The following TASP1 variants were observed in gnomAD, a reference collection of about 807,000 sequenced individuals.
The protein encoded by TASP1 is taspase 1.
TASP1 carries 16 observed loss-of-function variants against 56.6 expected under a neutral mutation model. That is an observed-to-expected ratio of 0.28 (90% CI 0.19 to 0.43). TASP1 has a LOEUF of 0.43. Among genes scored for constraint, TASP1 ranks in the 20% least tolerant of loss-of-function variants. The probability of loss-of-function intolerance (pLI) is 1.00; values close to 1 mark genes in which losing one functional copy is unlikely to be tolerated. For missense variants in TASP1, 393 were observed against 511.6 expected (o/e 0.77, Z 2.24); for synonymous variants, 179 against 184.2 (o/e 0.97, Z 0.23).
At chr20:13,225,888 A>G in the TASP1 span, among the ~76,000 whole-genome samples, 1 of 152,320 alleles carries the variant, frequency 6.6e-6, no homozygotes, top group East Asian at 1.9e-4. Flanking sequence ...ATGGATATAG[A>G]TATAGATATA....
At chr20:13,521,252 G>T (rs1229842771) in intron 10 of TASP1, among the ~76,000 whole-genome samples, 1 of 152,164 alleles carries the variant, frequency 6.6e-6, no homozygotes, top group African/African-American at 2.4e-5. Context: ...AATACCATTT[G>T]ACCCAGCAAT....
intron 7 of TASP1, among the ~76,000 whole-genome samples, chr20:13,567,813 A>G (rs1207878812): frequency 1.3e-5 from 2 of 152,184 alleles, no homozygotes; most frequent in African/African-American, 4.8e-5. Flanking sequence ...GAAACAGAGA[A>G]CCTGATACTG....
chr20:13,189,242 T>C, the TASP1 span, among the ~76,000 whole-genome samples: 1 of 152,198 alleles, frequency 6.6e-6, no homozygotes, highest in African/African-American at 2.4e-5. Flanking sequence ...AACATTGATC[T>C]AGGCAAAGAA....
the TASP1 span, among the ~76,000 whole-genome samples, chr20:13,131,205 A>G: frequency 1.3e-5 from 2 of 152,234 alleles, no homozygotes; most frequent in Non-Finnish European, 2.9e-5. Context: ...GTAATCAATC[A>G]ACATTTTTTG....
the TASP1 span, among the ~76,000 whole-genome samples, chr20:13,357,986 C>T: frequency 6.6e-6 from 1 of 152,222 alleles, no homozygotes; most frequent in South Asian, 2.1e-4. Flanking sequence ...GTGAATAGGC[C>T]CTGCCGCACC....
chr20:13,317,667 G>A, the TASP1 span, among the ~76,000 whole-genome samples: 17 of 152,154 alleles, frequency 1.1e-4, no homozygotes, highest in Middle Eastern at 3.4e-3. Context: ...CCTTTGACAA[G>A]GGATGAAAGA....
the TASP1 span, among the ~76,000 whole-genome samples, chr20:13,204,867 A>T: frequency 1.3e-5 from 2 of 152,132 alleles, no homozygotes. Flanking sequence ...GGAAGGAGGA[A>T]CACAACAGAC....
At position 13,624,306 on chromosome 20, in the gene TASP1, T is replaced by C. The variant is rs192828574; in HGVS notation, c.214-792A>G. 1.7e-3 allele frequency among the ~76,000 whole-genome samples: 264 copies of C among 152,202 alleles called. 1 individual carries two copies. Among genetic ancestry groups the C allele is most frequent in the African/African-American group, 5.7e-3 (239 of 41,570 alleles). On this transcript the variant is annotated intron_variant, in intron 3 of 13. Transcript: ENST00000337743. ...AGGACTATAGTTATATAAAATTTAT[T>C]TTCAGATGACAGAAAAATTTCACAC...
chr20:13,160,415 T>C, the TASP1 span, among the ~76,000 whole-genome samples: 1 of 152,220 alleles, frequency 6.6e-6, no homozygotes, highest in African/African-American at 2.4e-5. Context: ...ATTTACTTGA[T>C]CTTAAATGCA....
At chr20:13,470,765 CCTCT>C (rs1285362077) in intron 11 of TASP1, among the ~76,000 whole-genome samples, 1 of 152,052 alleles carries the variant, frequency 6.6e-6, no homozygotes, top group East Asian at 1.9e-4. Context: ...CATTTCTGAT[CCTCT>C]CTCTCTCCCA....
At chr20:13,528,335 T>A in intron 10 of TASP1, 98 bp downstream of exon 10, 1 of 973,900 alleles carries the variant, frequency 1.0e-6, no homozygotes, top group Non-Finnish European at 1.5e-6. Context: ...TACACTGTCA[T>A]AGCACATGTT....
At chr20:13,181,453 C>A in the TASP1 span, among the ~76,000 whole-genome samples, 1 of 152,150 alleles carries the variant, frequency 6.6e-6, no homozygotes, top group Non-Finnish European at 1.5e-5. Context: ...GAAGACAGCT[C>A]TTTTCTTTTC....
chr20:13,290,261 A>G, the TASP1 span, among the ~76,000 whole-genome samples: 3 of 152,246 alleles, frequency 2.0e-5, no homozygotes, highest in Middle Eastern at 3.4e-3. Context: ...TAATAACAAT[A>G]TGAGGAGGAG....
intron 13 of TASP1, among the ~76,000 whole-genome samples, chr20:13,404,278 T>C (rs1296481261): frequency 6.6e-6 from 1 of 152,206 alleles, no homozygotes; most frequent in East Asian, 1.9e-4. Context: ...TGTGAGGGTT[T>C]ACCCTTGGCC....
At chr20:13,212,089 T>C in the TASP1 span, among the ~76,000 whole-genome samples, 1 of 152,164 alleles carries the variant, frequency 6.6e-6, no homozygotes, top group Non-Finnish European at 1.5e-5. Context: ...AACATACCCA[T>C]TTCCTTTGCC....
chr20:13,430,769 C>T (rs2042778179), intron 12 of TASP1, among the ~76,000 whole-genome samples: 1 of 152,198 alleles, frequency 6.6e-6, no homozygotes, highest in African/African-American at 2.4e-5. Flanking sequence ...AACAAGGTCA[C>T]ACAAGTGGAC....
chr20:13,112,241 G>GA, the TASP1 span, among the ~76,000 whole-genome samples: 1 of 152,190 alleles, frequency 6.6e-6, no homozygotes, highest in African/African-American at 2.4e-5. Flanking sequence ...TCTGGGGCTG[G>GA]AACATCCAAA....
intron 11 of TASP1, among the ~76,000 whole-genome samples, chr20:13,452,566 A>C (rs987788438): frequency 5.3e-5 from 8 of 152,116 alleles, no homozygotes; most frequent in Admixed American, 2.0e-4. Context: ...ATAAATATGT[A>C]CATCTCACTA....
chr20:13,118,753 G>A, the TASP1 span, among the ~76,000 whole-genome samples: 2 of 152,186 alleles, frequency 1.3e-5, no homozygotes, highest in Non-Finnish European at 2.9e-5. Context: ...TGATGAACAG[G>A]AACAAGAGTT....
Sources: gnomAD v4.1 joint callset for allele counts (sites outside exome capture counted in the v4.1 genomes callset) on GRCh38, gnomAD v4.1.1 for gene constraint, MANE v1.5 for transcripts, NCBI Gene and HGNC (gene_info 2026-07-23, HGNC 2026-07-21) for gene names.